Variants in TRPC4 observed in about 807,000 individuals in gnomAD.
The protein encoded by TRPC4 is short transient receptor potential channel 4.
Under a neutral mutation model 99.4 loss-of-function variants are expected in TRPC4, and 49 were observed. That is an observed-to-expected ratio of 0.49 (90% CI 0.39 to 0.63). The LOEUF (loss-of-function observed/expected upper bound fraction) is 0.63. TRPC4 is among the 20% of genes least tolerant of loss of function. The pLI is 0.00. For synonymous variants in TRPC4, 454 were observed against 425.9 expected, an observed-to-expected ratio of 1.07 and a Z score of -0.81; for missense variants, 898 against 1,152.9, an observed-to-expected ratio of 0.78 and a Z score of 3.20.
intron 1 of TRPC4, among the ~76,000 whole-genome samples, chr13:37,786,820 T>C (rs1003154062): frequency 6.6e-5 from 10 of 152,008 alleles, no homozygotes; most frequent in African/African-American, 2.4e-4. Flanking sequence ...TTTAGAAGAT[T>C]TGGAAGAGAT....
chr13:37,857,568 CACTT>C (rs1959184170), intron 1 of TRPC4, among the ~76,000 whole-genome samples: 1 of 151,474 alleles, frequency 6.6e-6, no homozygotes, highest in South Asian at 2.1e-4. Flanking sequence ...TAAAAACAGA[CACTT>C]AAACAAATGG....
chr13:37,752,468 C>T (rs1056033720), intron 2 of TRPC4, among the ~76,000 whole-genome samples: 2 of 151,934 alleles, frequency 1.3e-5, no homozygotes, highest in Non-Finnish European at 2.9e-5. Flanking sequence ...CTGAGTCAAT[C>T]TCAGACGACA....
intron 1 of TRPC4, among the ~76,000 whole-genome samples, chr13:37,826,745 T>A (rs890595550): frequency 6.6e-6 from 1 of 152,208 alleles, no homozygotes; most frequent in Non-Finnish European, 1.5e-5. Context: ...CTGACAATTA[T>A]GTGTCTTGGA....
At chr13:37,702,935 T>A (rs913869581) in intron 3 of TRPC4, among the ~76,000 whole-genome samples, 11 of 152,112 alleles carry the variant, frequency 7.2e-5, no homozygotes, top group African/African-American at 2.7e-4. Context: ...TACATAGTTG[T>A]CATCTAGTGA....
chr13:37,692,582 A>G (rs1036317324), intron 3 of TRPC4, among the ~76,000 whole-genome samples: 1 of 152,224 alleles, frequency 6.6e-6, no homozygotes, highest in Non-Finnish European at 1.5e-5. Flanking sequence ...CTGTGGCTGC[A>G]CTTGAGGAAG....
chr13:37,657,650 A>G (rs1013793808), intron 6 of TRPC4, among the ~76,000 whole-genome samples: 1 of 152,194 alleles, frequency 6.6e-6, no homozygotes, highest in African/African-American at 2.4e-5. Context: ...TTACCACATA[A>G]ACCCCATTAC....
chr13:37,834,195 T>C (rs1958498722), intron 1 of TRPC4, among the ~76,000 whole-genome samples: 1 of 152,204 alleles, frequency 6.6e-6, no homozygotes, highest in Non-Finnish European at 1.5e-5. Context: ...ATGTTCTACA[T>C]AGCTATCTTC....
intron 1 of TRPC4, among the ~76,000 whole-genome samples, chr13:37,804,117 C>G (rs1269627922): frequency 6.6e-6 from 1 of 152,024 alleles, no homozygotes; most frequent in Non-Finnish European, 1.5e-5. Context: ...ATATGTTAGA[C>G]AGTAGGCACA....
At chr13:37,807,494 G>C (rs1389399214) in intron 1 of TRPC4, among the ~76,000 whole-genome samples, 1 of 151,922 alleles carries the variant, frequency 6.6e-6, no homozygotes, top group African/African-American at 2.4e-5. Flanking sequence ...TTACATCTGG[G>C]TCATAATCAT....
intron 1 of TRPC4, among the ~76,000 whole-genome samples, chr13:37,832,842 A>C (rs576987977): frequency 6.6e-6 from 1 of 152,194 alleles, no homozygotes; most frequent in Non-Finnish European, 1.5e-5. Flanking sequence ...TGCTAACTCT[A>C]GTCAATAGAA....
intron 4 of TRPC4, among the ~76,000 whole-genome samples, chr13:37,691,239 C>T (rs1240861755): frequency 1.3e-5 from 2 of 152,146 alleles, no homozygotes; most frequent in Non-Finnish European, 2.9e-5. Flanking sequence ...GTAGCTGGGA[C>T]TACAGGCGCC....
At chr13:37,863,438 T>TTACACATATATACTTATATGTATGTTGTA (rs1419947292) in intron 1 of TRPC4, among the ~76,000 whole-genome samples, 3 of 151,652 alleles carry the variant, frequency 2.0e-5, no homozygotes, top group Non-Finnish European at 4.4e-5. Flanking sequence ...GTTTGTGTGT[T>TTACACATATATACTTATATGTATGTTGTA]TACACATATA....
chr13:37,773,601 T>A (rs1956617564), intron 2 of TRPC4, among the ~76,000 whole-genome samples: 1 of 151,904 alleles, frequency 6.6e-6, no homozygotes, highest in East Asian at 2.0e-4. Context: ...GCAGTTGAAG[T>A]ACTTAGTTAC....
chr13:37,749,783 ATTCT>A (rs1955882284), intron 2 of TRPC4, among the ~76,000 whole-genome samples: 1 of 152,062 alleles, frequency 6.6e-6, no homozygotes, highest in Non-Finnish European at 1.5e-5. Flanking sequence ...GACCCCATGA[ATTCT>A]TTCTTTTATT....
At chr13:37,799,928 C>G (rs1310970527) in intron 1 of TRPC4, among the ~76,000 whole-genome samples, 1 of 152,256 alleles carries the variant, frequency 6.6e-6, no homozygotes, top group African/African-American at 2.4e-5. Context: ...CTGGTCATTT[C>G]CTCTAAGTCT....
chr13:37,682,757 T>G (rs1953294497), intron 4 of TRPC4, among the ~76,000 whole-genome samples: 1 of 151,942 alleles, frequency 6.6e-6, no homozygotes. Flanking sequence ...TTGTCGTTGT[T>G]GTTATTTTTT....
intron 3 of TRPC4, among the ~76,000 whole-genome samples, chr13:37,735,917 G>A (rs1286046925): frequency 6.6e-6 from 1 of 152,096 alleles, no homozygotes; most frequent in African/African-American, 2.4e-5. Flanking sequence ...AGACACACTT[G>A]TTACTTCTTG....
At chr13:37,677,867 T>G (rs946835270) in intron 4 of TRPC4, among the ~76,000 whole-genome samples, 3 of 152,068 alleles carry the variant, frequency 2.0e-5, no homozygotes, top group African/African-American at 7.2e-5. Flanking sequence ...AGATAGGCCA[T>G]AGTGTGGACC....
At chr13:37,829,789 T>A (rs1346595694) in intron 1 of TRPC4, among the ~76,000 whole-genome samples, 1 of 152,176 alleles carries the variant, frequency 6.6e-6, no homozygotes, top group South Asian at 2.1e-4. Flanking sequence ...ATATATATAA[T>A]AGACTGTCAT....
Sources: gnomAD v4.1 joint callset for allele counts (sites outside exome capture counted in the v4.1 genomes callset) on GRCh38, gnomAD v4.1.1 for gene constraint, MANE v1.5 for transcripts, NCBI Gene and HGNC (gene_info 2026-07-23, HGNC 2026-07-21) for gene names.